The following KLK4 variants were observed in gnomAD, a reference collection of about 807,000 sequenced individuals.
The protein encoded by KLK4 is kallikrein-4.
In KLK4, 24 loss-of-function variants were observed where a neutral mutation model predicts 24.3. That is an observed-to-expected ratio of 0.99 (90% CI 0.72 to 1.39). KLK4 has a LOEUF of 1.39. KLK4 is among the 40% of genes most tolerant of loss of function. The probability of loss-of-function intolerance (pLI) is 0.00; values close to 1 mark genes in which losing one functional copy is unlikely to be tolerated. For missense variants in KLK4, 344 were observed against 327.4 expected (o/e 1.05, Z -0.39); for synonymous variants, 142 against 138.8 (o/e 1.02, Z -0.16).
Position 50,911,335 on chromosome 19 carries a change from T to C in KLK4, c.-12+4A>G, listed in dbSNP as rs1290028511. Among the ~76,000 whole-genome samples, 1 of 152,220 alleles carries C rather than the reference T, an allele frequency of 6.6e-6. No homozygotes were observed. The highest frequency in any genetic ancestry group is 1.5e-5 in the Non-Finnish European group (1 of 68,038). The stretch of plus-strand genomic sequence containing the variant: ...TTTTAGTGGGGGACCACCAGGCCTC[T>C]TACCCGGCCACCTCTGGGCTCCTGG... On this transcript the variant is annotated splice_donor_region_variant and intron_variant, in intron 1 of 5. Transcript: ENST00000324041.
At chr19:50,908,556 C>G in intron 4 of KLK4, 23 bp downstream of exon 4, 1 of 1,614,170 alleles carries the variant, frequency 6.2e-7, no homozygotes, top group Non-Finnish European at 8.5e-7. Flanking sequence ...TTGAAGAGGG[C>G]AGACACACAC....
chr19:50,908,394 C>T, exon 5 of KLK4: 1 of 1,614,028 alleles, frequency 6.2e-7, no homozygotes, highest in South Asian at 1.1e-5. Flanking sequence ...CCTCCGCCGG[C>T]GCAGAACATG....
At chr19:50,909,031 C>G (rs1038901253) in intron 3 of KLK4, 1 of 1,478,794 alleles carries the variant, frequency 6.8e-7, no homozygotes, top group Non-Finnish European at 8.9e-7. Context: ...ACTAGAGACT[C>G]AGCACTGGGC....
At position 50,910,653 on chromosome 19, in the gene KLK4, G is replaced by GAC. The variant is rs752010215; in HGVS notation, c.61+23_61+24dup. On this transcript the variant is annotated intron_variant, in intron 2 of 5. Coordinates refer to ENST00000324041, the Ensembl canonical transcript of KLK4. The surrounding 1 kb of genome is among the most constrained non-coding windows in gnomAD (Gnocchi z 4.4). ...AACACTGTGCCCCCAAGCACGGACA[G>GAC]ACACACACACGCATACTCAGATACC... is the stretch of plus-strand genomic sequence containing the variant. 2.6e-6 allele frequency: 4 copies of GAC among 1,549,634 alleles called. No individual in the cohort carries two copies. Among genetic ancestry groups the GAC allele is most frequent in the Admixed American group, 2.0e-5 (1 of 51,072 alleles).
At chr19:50,909,600 G>A (rs1328922744) in intron 2 of KLK4, among the ~76,000 whole-genome samples, 186 bp from the exon 3 acceptor site, 1 of 151,402 alleles carries the variant, frequency 6.6e-6, no homozygotes, top group Non-Finnish European at 1.5e-5. Flanking sequence ...TACCGAGCAG[G>A]GGCGTGGTCA....
exon 4 of KLK4, chr19:50,908,777 C>T (rs751557027): frequency 1.2e-6 from 2 of 1,613,784 alleles, no homozygotes; most frequent in Non-Finnish European, 1.7e-6. Flanking sequence ...ATCTGGCTCC[C>T]TGGCTCTTGG....
At position 50,910,010 on chromosome 19, in the gene KLK4, G is replaced by A. The variant is rs368636009; in HGVS notation, c.62-596C>T. Among the ~76,000 whole-genome samples, 2 of 152,184 alleles carry A rather than the reference G, an allele frequency of 1.3e-5. No homozygotes were observed. Among genetic ancestry groups the A allele is most frequent in the East Asian group, 3.9e-4 (2 of 5,186 alleles). Reference sequence around the variant, plus strand: ...GGGGTGAGCTCTGGAGGTGAGACTGGTGCCATCGCGGTGCAAAGCCACGGT... The same window carrying A: ...GGGGTGAGCTCTGGAGGTGAGACTGATGCCATCGCGGTGCAAAGCCACGGT... On this transcript the variant is annotated intron_variant, in intron 2 of 5. Transcript: ENST00000324041. This position sits in a 1 kb window ranked among gnomAD's most constrained non-coding sequence, Gnocchi z 4.4.
chr19:50,906,931 G>T (rs2123509372), exon 6 of KLK4: 1 of 1,614,152 alleles, frequency 6.2e-7, no homozygotes, highest in East Asian at 2.2e-5. Flanking sequence ...CCAGTCCCCA[G>T]AGTTAACTGG....
At chr19:50,907,380 T>G (rs1328058550) in intron 5 of KLK4, among the ~76,000 whole-genome samples, 1 of 151,208 alleles carries the variant, frequency 6.6e-6, no homozygotes, top group African/African-American at 2.4e-5. Flanking sequence ...TCTGTCTCAG[T>G]GTCTCTGCAT....
Position 50,910,653 on chromosome 19 carries a change from GACAC to G in KLK4, c.61+21_61+24del. The stretch of plus-strand genomic sequence containing the variant: ...AACACTGTGCCCCCAAGCACGGACA[GACAC>G]ACACACGCATACTCAGATACCTGCG... On this transcript the variant is annotated intron_variant, in intron 2 of 5. Transcript: ENST00000324041. The surrounding 1 kb of genome is among the most constrained non-coding windows in gnomAD (Gnocchi z 4.4). The G allele has an allele frequency of 6.5e-7, 1 of 1,549,640 alleles. No homozygotes were observed.
exon 6 of KLK4, chr19:50,906,695 TCC>T: frequency 7.3e-6 from 2 of 274,542 alleles, no homozygotes; most frequent in South Asian, 4.8e-5. Flanking sequence ...GGGTCTGGAC[TCC>T]TGGGTCTGAG....
rs931698036 is a variant in KLK4 at position 50,910,206 on chromosome 19, C to T, written c.61+472G>A. ...TGCGCCGAGTCACTCCTATCCTCTCCCAGCCTTGCCCACAGTCACACCAAG... is the reference window on the plus strand; with the variant it reads ...TGCGCCGAGTCACTCCTATCCTCTCTCAGCCTTGCCCACAGTCACACCAAG... On this transcript the variant is annotated intron_variant, in intron 2 of 5. Coordinates refer to ENST00000324041, the Ensembl canonical transcript of KLK4. This position sits in a 1 kb window ranked among gnomAD's most constrained non-coding sequence, Gnocchi z 4.4. Among the ~76,000 whole-genome samples the T allele has an allele frequency of 5.3e-5, 8 of 152,022 alleles. No individual in the cohort carries two copies. The highest frequency in any genetic ancestry group is 1.2e-4 in the Non-Finnish European group (8 of 68,004).
chr19:50,907,403 T>C (rs1169822903), intron 5 of KLK4, among the ~76,000 whole-genome samples: 1 of 127,398 alleles, frequency 7.8e-6, no homozygotes, highest in Admixed American at 8.5e-5. Flanking sequence ...CTTTGTAAAG[T>C]CTTTTTTTTT....
intron 1 of KLK4, among the ~76,000 whole-genome samples, chr19:50,911,109 G>C (rs1335262608): frequency 6.6e-6 from 1 of 152,170 alleles, no homozygotes; most frequent in African/African-American, 2.4e-5. Context: ...GAGTGCTTGA[G>C]AGATATCCTC....
Position 50,910,784 on chromosome 19 carries a change from G to T in KLK4, c.-11-35C>A, listed in dbSNP as rs1373346260. On this transcript the variant is annotated intron_variant, in intron 1 of 5. Transcript: ENST00000324041. This position sits in a 1 kb window ranked among gnomAD's most constrained non-coding sequence, Gnocchi z 4.4. ...AGGACTGAGACTTAGCCGTGTCTGG[G>T]GATCTTCAGCCCAAGTCTCTCCATC... The T allele has an allele frequency of 2.0e-6, 3 of 1,518,812 alleles. No individual in the cohort carries two copies. 94.1% of individuals were successfully genotyped at this position (1,518,812 alleles called of 1,614,324 possible). A position where few individuals can be genotyped will look rare whatever the true frequency, so the allele number is the denominator to read the frequency against.
chr19:50,906,986 G>A (rs941212260), exon 6 of KLK4: 4 of 1,614,064 alleles, frequency 2.5e-6, no homozygotes, highest in Admixed American at 3.3e-5. Context: ...GCAGAGGTTG[G>A]TGTAGACACC....
Position 50,906,921 on chromosome 19 carries a change from C to T in KLK4, c.*13G>A, listed in dbSNP as rs756817725. 6.2e-6 allele frequency: 10 copies of T among 1,614,092 alleles called. 1 individual carries two copies. In the South Asian group the frequency reaches 1.1e-4, roughly 18 times the overall value. On this transcript the variant is annotated 3_prime_UTR_variant, in exon 6 of 6. Transcript: ENST00000324041. ...ATTTGGGGGTCAATTTCATGGGTTCCCAGTCCCCAGAGTTAACTGGCCTGG... is the reference window on the plus strand; with the variant it reads ...ATTTGGGGGTCAATTTCATGGGTTCTCAGTCCCCAGAGTTAACTGGCCTGG...
At chr19:50,907,302 C>T (rs1165785269) in intron 5 of KLK4, among the ~76,000 whole-genome samples, 3 of 152,042 alleles carry the variant, frequency 2.0e-5, no homozygotes, top group Non-Finnish European at 4.4e-5. Context: ...CTGGCTGCTT[C>T]TCTTGGGCTT....
chr19:50,908,223 G>C, intron 5 of KLK4, 136 bp downstream of exon 5: 2 of 1,043,378 alleles, frequency 1.9e-6, no homozygotes, highest in Non-Finnish European at 2.9e-6. Context: ...GTTTCTCTCA[G>C]TTTCTCTCTC....
Sources: gnomAD v4.1 joint callset for allele counts (sites outside exome capture counted in the v4.1 genomes callset) on GRCh38, gnomAD v4.1.1 for gene constraint, Gnocchi (gnomAD v3.1) non-coding constraint, MANE v1.5 for transcripts, NCBI Gene and HGNC (gene_info 2026-07-23, HGNC 2026-07-21) for gene names.